The following JMJD1C variants were observed in gnomAD, a reference collection of about 807,000 sequenced individuals.
The protein encoded by JMJD1C is jumonji domain-containing protein 1C.
Under a neutral mutation model 245.3 loss-of-function variants are expected in JMJD1C, and 31 were observed. The ratio of observed to expected loss-of-function variants is 0.13; its 90% CI spans 0.09 to 0.17. The LOEUF is 0.17. Among genes scored for constraint, JMJD1C ranks in the 10% least tolerant of loss-of-function variants. The pLI, the probability that JMJD1C is intolerant of heterozygous loss-of-function variation, is 1.00. For synonymous variants in JMJD1C, 1,057 were observed against 1,017.4 expected, an observed-to-expected ratio of 1.04 and a Z score of -0.74; for missense variants, 2,691 against 3,000.2, an observed-to-expected ratio of 0.90 and a Z score of 2.41.
intron 2 of JMJD1C, among the ~76,000 whole-genome samples, chr10:63,368,095 T>C (rs933082286): frequency 1.3e-5 from 2 of 152,186 alleles, no homozygotes; most frequent in Non-Finnish European, 2.9e-5. Context: ...AAATTCTTTA[T>C]ACAACAGTCC....
chr10:63,295,749 G>C (rs1859300319), intron 2 of JMJD1C, among the ~76,000 whole-genome samples: 1 of 151,850 alleles, frequency 6.6e-6, no homozygotes, highest in South Asian at 2.1e-4. Context: ...TTTAAACAAT[G>C]AATTAGTAAA....
intron 1 of JMJD1C, among the ~76,000 whole-genome samples, chr10:63,404,505 G>A (rs1033544577): frequency 5.3e-5 from 8 of 151,984 alleles, no homozygotes; most frequent in African/African-American, 1.7e-4. Flanking sequence ...TCAGCCTCCT[G>A]AGTAGCTGAA....
At chr10:63,498,239 G>A (rs1185752124) in intron 1 of JMJD1C, among the ~76,000 whole-genome samples, 1 of 152,158 alleles carries the variant, frequency 6.6e-6, no homozygotes, top group African/African-American at 2.4e-5. Context: ...AAATCATGTA[G>A]TCTGCATAAG....
chr10:63,340,234 A>G (rs1183662938), intron 2 of JMJD1C, among the ~76,000 whole-genome samples: 2 of 152,152 alleles, frequency 1.3e-5, no homozygotes, highest in Admixed American at 1.3e-4. Context: ...AGCAACCCTG[A>G]GGGAAAAAAA....
At chr10:63,332,705 G>A (rs1942287581) in intron 2 of JMJD1C, among the ~76,000 whole-genome samples, 1 of 152,132 alleles carries the variant, frequency 6.6e-6, no homozygotes, top group Non-Finnish European at 1.5e-5. Context: ...ATTTCAAAAA[G>A]TAATAATCAT....
chr10:63,205,378 C>T (rs1846479415), intron 10 of JMJD1C, among the ~76,000 whole-genome samples: 1 of 152,160 alleles, frequency 6.6e-6, no homozygotes, highest in Non-Finnish European at 1.5e-5. Context: ...AATTGGCCCT[C>T]CATAACCGTG....
chr10:63,479,727 T>C (rs1027930179), intron 1 of JMJD1C, among the ~76,000 whole-genome samples: 3 of 152,190 alleles, frequency 2.0e-5, no homozygotes, highest in Admixed American at 6.5e-5. Flanking sequence ...TTTCAATTTT[T>C]TGGCAAAAAT....
chr10:63,214,761 G>A lies in JMJD1C; in HGVS notation c.1406C>T (p.Thr469Ile). ...ATCATTAGAATTATGATCAGAAACT[G>A]TGGACTGTTCTGACGAATGAATAAT... The part of the protein sequence containing the change: ...DMIIHSSEQS[T>I]VSDHNSNDLL... Residue 469 changes from threonine (T) to isoleucine (I), a missense_variant, in exon 8 of 26, where the codon ACA (threonine) becomes ATA (isoleucine). Coordinates refer to ENST00000399262, the MANE Select transcript of JMJD1C (RefSeq NM_032776.3). 6.2e-7 allele frequency: 1 copy of A among 1,613,472 alleles called. No homozygotes were observed. The highest frequency in any genetic ancestry group is 8.5e-7 in the Non-Finnish European group (1 of 1,179,538).
intron 2 of JMJD1C, among the ~76,000 whole-genome samples, chr10:63,340,899 C>T (rs148671190): frequency 1.3e-5 from 2 of 151,936 alleles, no homozygotes; most frequent in African/African-American, 4.8e-5. Context: ...GAGTTGAAAT[C>T]GCGCCACTGC....
intron 3 of JMJD1C, among the ~76,000 whole-genome samples, chr10:63,238,646 T>C (rs1344507676): frequency 1.3e-5 from 2 of 152,224 alleles, no homozygotes; most frequent in Non-Finnish European, 2.9e-5. Context: ...TGTTTTTTAG[T>C]TCTTCCATAA....
chr10:63,521,075 C>T (rs1955205346), intron 1 of JMJD1C, among the ~76,000 whole-genome samples: 1 of 151,390 alleles, frequency 6.6e-6, no homozygotes, highest in African/African-American at 2.4e-5. Context: ...CAATCCCTAC[C>T]CTCCAGTACC....
chr10:63,271,621 G>A (rs188309249), intron 2 of JMJD1C, among the ~76,000 whole-genome samples: 204 of 151,320 alleles, frequency 1.3e-3, no homozygotes, highest in Non-Finnish European at 1.9e-3. Context: ...GTGTGATCTT[G>A]CCTCACTGCA....
Position 63,215,453 on chromosome 10 carries a change from G to A in JMJD1C, c.825C>T (p.Ser275=). Residue 275 remains serine, a splice_region_variant and synonymous_variant, in exon 7 of 26, where the codon AGC becomes AGT. Transcript: ENST00000399262. ...TATTTGCTTGGGCACGTGTATAATG[G>A]CTCTAAAAATAACCAATTAACAGTA... ...RANQNVNAVH[S]HYTRAQANSP... 1 of 1,613,938 alleles carries A rather than the reference G, an allele frequency of 6.2e-7. No individual in the cohort carries two copies. The highest frequency in any genetic ancestry group is 1.1e-5 in the South Asian group (1 of 91,078).
intron 1 of JMJD1C, among the ~76,000 whole-genome samples, chr10:63,414,010 G>A (rs1012946188): frequency 2.9e-5 from 4 of 138,406 alleles, no homozygotes; most frequent in Non-Finnish European, 4.5e-5. Context: ...TTTTTGACAC[G>A]GAGTCTTGCA....
chr10:63,464,698 C>CA (rs34490360), intron 1 of JMJD1C, among the ~76,000 whole-genome samples: 2,009 of 143,332 alleles, frequency 0.014, 34 homozygotes, highest in African/African-American at 0.043. Context: ...TGTAAGAAAC[C>CA]AAAAAAAAAA....
In JMJD1C at chr10:63,434,359, T is replaced by G. The variant is rs995312475; in HGVS notation, c.168+31136A>C. Among the ~76,000 whole-genome samples the G allele has an allele frequency of 2.0e-5, 3 of 152,124 alleles. No homozygotes were observed. The South Asian group carries it at 6.2e-4, about 32-fold the overall frequency. ...GTTATGGGAAACAAATTATGTAAGC[T>G]TTCTGATCACACCAGTTTAACTGAC... On this transcript the variant is annotated intron_variant, in intron 1 of 25. Coordinates refer to ENST00000399262, the MANE Select transcript of JMJD1C (RefSeq NM_032776.3).
intron 2 of JMJD1C, among the ~76,000 whole-genome samples, chr10:63,349,532 T>A (rs1380453700): frequency 6.6e-6 from 1 of 152,176 alleles, no homozygotes; most frequent in Non-Finnish European, 1.5e-5. Context: ...TAGCCAGGCA[T>A]GTATTAGCAA....
intron 1 of JMJD1C, among the ~76,000 whole-genome samples, chr10:63,503,177 G>T (rs1309323672): frequency 6.6e-6 from 1 of 152,010 alleles, no homozygotes. Flanking sequence ...CAACCTAAAG[G>T]CCACAGGCCA....
intron 24 of JMJD1C, among the ~76,000 whole-genome samples, chr10:63,173,745 A>C (rs1842614538): frequency 6.6e-6 from 1 of 152,138 alleles, no homozygotes; most frequent in Non-Finnish European, 1.5e-5. Flanking sequence ...AAATGAAAAA[A>C]AAATGCTCTT....
Sources: allele counts gnomAD v4.1 joint callset (sites outside exome capture counted in the v4.1 genomes callset), GRCh38; gene constraint gnomAD v4.1.1; transcripts MANE v1.5; gene names NCBI Gene and HGNC (gene_info 2026-07-23, HGNC 2026-07-21).